SLC39A11: variants seen among roughly 807,000 people sequenced by gnomAD.
SLC39A11 encodes the protein solute carrier family 39 member 11.
Under a neutral mutation model 36.1 loss-of-function variants are expected in SLC39A11, and 33 were observed. The observed-to-expected ratio is 0.91, with a 90% CI of 0.69 to 1.22. SLC39A11 has a LOEUF of 1.22. Among genes scored for constraint, SLC39A11 ranks in the 50% most tolerant of loss-of-function variants. The pLI, the probability that SLC39A11 is intolerant of heterozygous loss-of-function variation, is 0.00. For missense variants in SLC39A11, 432 were observed against 430.3 expected (o/e 1.00, Z -0.03); for synonymous variants, 166 against 170.3 (o/e 0.97, Z 0.20).
At chr17:72,921,585 T>C (rs1352349939) in intron 5 of SLC39A11, among the ~76,000 whole-genome samples, 1 of 152,220 alleles carries the variant, frequency 6.6e-6, no homozygotes, top group Non-Finnish European at 1.5e-5. Flanking sequence ...TATGAAATGC[T>C]GAAATCATAT....
At chr17:72,746,194 T>G (rs2074928085) in intron 6 of SLC39A11, among the ~76,000 whole-genome samples, 1 of 152,114 alleles carries the variant, frequency 6.6e-6, no homozygotes, top group Non-Finnish European at 1.5e-5. Flanking sequence ...ACAGGGCAGG[T>G]AGCCTCATAA....
At chr17:73,090,837 A>C (rs527628490) in intron 1 of SLC39A11, among the ~76,000 whole-genome samples, 1 of 152,148 alleles carries the variant, frequency 6.6e-6, no homozygotes, top group Non-Finnish European at 1.5e-5. Context: ...CCTGAGTAAG[A>C]AAAAGGGACA....
chr17:72,783,582 A>C (rs1598720886), intron 6 of SLC39A11, among the ~76,000 whole-genome samples: 1 of 152,236 alleles, frequency 6.6e-6, no homozygotes. Context: ...CCCAGAACAG[A>C]GGAGAGAAGC....
intron 6 of SLC39A11, among the ~76,000 whole-genome samples, chr17:72,756,552 G>T (rs1007571738): frequency 2.0e-5 from 3 of 152,218 alleles, no homozygotes; most frequent in Admixed American, 6.5e-5. Context: ...AATACTATAT[G>T]ATTCCACTTA....
intron 7 of SLC39A11, among the ~76,000 whole-genome samples, chr17:72,673,556 GTTTTT>G: frequency 6.7e-6 from 1 of 150,032 alleles, no homozygotes; most frequent in African/African-American, 2.4e-5. Context: ...TGTTTGCACA[GTTTTT>G]TTTTTCTTTT....
chr17:72,979,980 A>G (rs939315167), intron 4 of SLC39A11, among the ~76,000 whole-genome samples: 15 of 151,922 alleles, frequency 9.9e-5, no homozygotes, highest in Non-Finnish European at 1.5e-4. Flanking sequence ...TGCTGGATCC[A>G]CTGATTCCTA....
chr17:72,923,093 A>C (rs1437464966), intron 5 of SLC39A11, among the ~76,000 whole-genome samples: 1 of 149,974 alleles, frequency 6.7e-6, no homozygotes, highest in Non-Finnish European at 1.5e-5. Flanking sequence ...CTTTCTTGTC[A>C]TTTTCTATCT....
intron 7 of SLC39A11, among the ~76,000 whole-genome samples, chr17:72,680,041 CAAAAA>C (rs199650969): frequency 7.0e-5 from 5 of 71,660 alleles, no homozygotes; most frequent in Non-Finnish European, 1.3e-4. Flanking sequence ...GACTCTGTCT[CAAAAA>C]AAAAAAAAAA....
chr17:72,890,016 T>C (rs2081641084), intron 5 of SLC39A11, among the ~76,000 whole-genome samples: 1 of 151,838 alleles, frequency 6.6e-6, no homozygotes, highest in African/African-American at 2.4e-5. Context: ...TCCCAGCACT[T>C]TGGGAGGCCG....
chr17:72,902,065 A>G (rs2082414894), intron 5 of SLC39A11, among the ~76,000 whole-genome samples: 1 of 152,170 alleles, frequency 6.6e-6, no homozygotes, highest in Non-Finnish European at 1.5e-5. Context: ...TGAGGTCGAG[A>G]GTTCGAGACC....
chr17:72,933,613 G>A (rs1474269126), intron 5 of SLC39A11, among the ~76,000 whole-genome samples: 6 of 152,042 alleles, frequency 3.9e-5, no homozygotes, highest in South Asian at 2.1e-4. Context: ...TCCGCCTCCC[G>A]GGTTCAAGCG....
chr17:73,085,096 T>TGTCTC (rs1323259688), intron 2 of SLC39A11, among the ~76,000 whole-genome samples: 1 of 152,226 alleles, frequency 6.6e-6, no homozygotes, highest in African/African-American at 2.4e-5. Context: ...GCCCTTGTGT[T>TGTCTC]GTCTCTTACT....
chr17:73,034,749 T>C (rs2058848964), intron 3 of SLC39A11, among the ~76,000 whole-genome samples: 1 of 152,164 alleles, frequency 6.6e-6, no homozygotes, highest in Admixed American at 6.5e-5. Flanking sequence ...AGGTCCAAAC[T>C]CTTCTGTCCA....
At chr17:72,834,806 G>A (rs2078450129) in intron 6 of SLC39A11, among the ~76,000 whole-genome samples, 1 of 152,164 alleles carries the variant, frequency 6.6e-6, no homozygotes. Flanking sequence ...ATAATAGGTA[G>A]GAGGATGGCA....
chr17:72,799,899 C>A (rs1292422409), intron 6 of SLC39A11, among the ~76,000 whole-genome samples: 2 of 151,918 alleles, frequency 1.3e-5, no homozygotes, highest in Non-Finnish European at 2.9e-5. Flanking sequence ...TACCTACTCT[C>A]TGTTCTTACA....
intron 6 of SLC39A11, among the ~76,000 whole-genome samples, chr17:72,765,967 G>A (rs2075745423): frequency 6.6e-6 from 1 of 152,192 alleles, no homozygotes; most frequent in Non-Finnish European, 1.5e-5. Flanking sequence ...GGCGGATAGA[G>A]CTGGGGCAGG....
chr17:73,052,475 G>A (rs2059537837), intron 3 of SLC39A11, among the ~76,000 whole-genome samples: 1 of 152,136 alleles, frequency 6.6e-6, no homozygotes, highest in East Asian at 1.9e-4. Flanking sequence ...AGAGGAGAGT[G>A]AGAGATTAAG....
intron 6 of SLC39A11, among the ~76,000 whole-genome samples, chr17:72,754,045 T>TAC (rs1383818868): frequency 6.2e-4 from 33 of 53,280 alleles, no homozygotes; most frequent in Middle Eastern, 0.01. Flanking sequence ...TATATATATA[T>TAC]ACACATACAC....
chr17:73,022,349 C>G (rs999806040), intron 4 of SLC39A11, among the ~76,000 whole-genome samples: 1 of 152,214 alleles, frequency 6.6e-6, no homozygotes, highest in African/African-American at 2.4e-5. Flanking sequence ...AATCCCAGCA[C>G]TTTGAGGGGC....
Sources: allele counts gnomAD v4.1 joint callset (sites outside exome capture counted in the v4.1 genomes callset), GRCh38; gene constraint gnomAD v4.1.1; transcripts MANE v1.5; gene names NCBI Gene and HGNC (gene_info 2026-07-23, HGNC 2026-07-21).